The following RETREG1 variants were observed in gnomAD, a reference collection of about 807,000 sequenced individuals.
RETREG1 encodes the protein reticulophagy regulator 1.
Under a neutral mutation model 54.8 loss-of-function variants are expected in RETREG1, and 44 were observed. The observed-to-expected ratio is 0.80, with a 90% confidence interval of 0.63 to 1.03. The LOEUF is 1.03. Among genes scored for constraint, RETREG1 ranks in the 50% least tolerant of loss-of-function variants. The probability of loss-of-function intolerance (pLI) is 0.00; values close to 1 mark genes in which losing one functional copy is unlikely to be tolerated. For synonymous variants in RETREG1, 217 were observed against 238.5 expected, an observed-to-expected ratio of 0.91 and a Z score of 0.83; for missense variants, 554 against 605.1, an observed-to-expected ratio of 0.92 and a Z score of 0.89.
In RETREG1 at chr5:16,616,744, C is replaced by CA. The variant is rs1561141650; in HGVS notation, c.227dup (p.Leu77AlafsTer64). 6.3e-7 allele frequency: 1 copy of CA among 1,574,916 alleles called. No homozygotes were observed. The highest frequency in any genetic ancestry group is 2.3e-5 in the East Asian group (1 of 43,122). The stretch of plus-strand genomic sequence containing the variant: ...CGTCGGCGCGGCAGCCCAGCCACAG[C>CA]ACCGGCTCCCCGAGCAGCCAGGTTA... On this transcript the variant is annotated frameshift_variant, in exon 1 of 9. Coordinates refer to ENST00000306320, the MANE Select transcript of RETREG1 (RefSeq NM_001034850.3). LOFTEE classifies it high-confidence loss of function.
chr5:16,540,990 A>G (rs1450996579), intron 3 of RETREG1, among the ~76,000 whole-genome samples: 1 of 152,160 alleles, frequency 6.6e-6, no homozygotes, highest in Non-Finnish European at 1.5e-5. Flanking sequence ...CAGCACCATC[A>G]CTATGCTTGA....
intron 3 of RETREG1, among the ~76,000 whole-genome samples, chr5:16,555,451 C>G (rs2617422): frequency 0.82 from 124,972 of 152,226 alleles, 51,296 homozygotes; most frequent in Middle Eastern, 0.87. Flanking sequence ...CACACTTGGC[C>G]TGTTTTTACA....
intron 3 of RETREG1, among the ~76,000 whole-genome samples, chr5:16,546,224 C>G (rs1363181750): frequency 3.9e-5 from 6 of 152,018 alleles, no homozygotes; most frequent in Admixed American, 3.9e-4. Flanking sequence ...CTGGAGTACA[C>G]TGACATAAAC....
At chr5:16,615,041 T>A (rs996797253) in intron 1 of RETREG1, among the ~76,000 whole-genome samples, 1 of 152,198 alleles carries the variant, frequency 6.6e-6, no homozygotes, top group African/African-American at 2.4e-5. Flanking sequence ...CTTTTGTACC[T>A]TTAAACTTTT....
intron 1 of RETREG1, among the ~76,000 whole-genome samples, chr5:16,608,266 CATCTACAGTGTTTCAG>C (rs2126371681): frequency 6.6e-6 from 1 of 152,272 alleles, no homozygotes; most frequent in East Asian, 1.9e-4. Context: ...CCTTTTTTAA[CATCTACAGTGTTTCAG>C]ATCTCATGTG....
intron 3 of RETREG1, among the ~76,000 whole-genome samples, chr5:16,552,306 C>T (rs1741568126): frequency 1.3e-5 from 2 of 152,122 alleles, no homozygotes; most frequent in Admixed American, 6.5e-5. Flanking sequence ...CAATCACTTG[C>T]AAATTAAGTT....
intron 3 of RETREG1, among the ~76,000 whole-genome samples, chr5:16,491,075 G>A (rs16868694): frequency 9.4e-4 from 143 of 152,192 alleles, no homozygotes; most frequent in African/African-American, 3.2e-3. Flanking sequence ...CATGACCATG[G>A]CAACTATCTG....
chr5:16,568,077 T>G, intron 2 of RETREG1, among the ~76,000 whole-genome samples: 1 of 152,014 alleles, frequency 6.6e-6, no homozygotes, highest in East Asian at 1.9e-4. Context: ...GGAGGAGTTT[T>G]CCAGGCCATA....
At chr5:16,484,389 A>G (rs1286227562) in intron 3 of RETREG1, among the ~76,000 whole-genome samples, 1 of 152,206 alleles carries the variant, frequency 6.6e-6, no homozygotes, top group African/African-American at 2.4e-5. Flanking sequence ...TCATTCATTT[A>G]AGAGATTATT....
Position 16,572,103 on chromosome 5 carries a change from C to A in RETREG1, c.321-1G>T. On this transcript the variant is annotated splice_acceptor_variant, in intron 1 of 8. Coordinates refer to ENST00000306320, the MANE Select transcript of RETREG1 (RefSeq NM_001034850.3). LOFTEE classifies it high-confidence loss of function. Reference sequence around the variant, plus strand: ...TCTCCATGGAGTCAATGCAAGGAACCTGCAACAGCGAAACACAAATCAGTA... The same window carrying A: ...TCTCCATGGAGTCAATGCAAGGAACATGCAACAGCGAAACACAAATCAGTA... 6.2e-7 allele frequency: 1 copy of A among 1,603,040 alleles called. No individual in the cohort carries two copies. The highest frequency in any genetic ancestry group is 1.1e-5 in the South Asian group (1 of 90,872).
chr5:16,498,149 T>C (rs1739544607), intron 3 of RETREG1, among the ~76,000 whole-genome samples: 1 of 152,218 alleles, frequency 6.6e-6, no homozygotes, highest in Admixed American at 6.5e-5. Flanking sequence ...ATGACTACAG[T>C]CATGCATCAT....
chr5:16,486,237 G>C (rs1739015451), intron 3 of RETREG1, among the ~76,000 whole-genome samples: 1 of 152,040 alleles, frequency 6.6e-6, no homozygotes, highest in South Asian at 2.1e-4. Flanking sequence ...GTTCAGATTG[G>C]GCTGAATAAA....
At chr5:16,543,316 A>T (rs1256311529) in intron 3 of RETREG1, among the ~76,000 whole-genome samples, 1 of 152,188 alleles carries the variant, frequency 6.6e-6, no homozygotes, top group African/African-American at 2.4e-5. Flanking sequence ...CATTTCTCTT[A>T]GCTAAATATC....
intron 3 of RETREG1, among the ~76,000 whole-genome samples, chr5:16,542,580 A>G (rs1199584560): frequency 6.6e-6 from 1 of 152,164 alleles, no homozygotes; most frequent in Non-Finnish European, 1.5e-5. Flanking sequence ...CACAGCTCAT[A>G]ATCCAGGTCT....
Position 16,474,714 on chromosome 5 carries a change from G to A in RETREG1, c.*27C>T, listed in dbSNP as rs1253828955. On this transcript the variant is annotated 3_prime_UTR_variant, in exon 9 of 9. Coordinates refer to ENST00000306320, the MANE Select transcript of RETREG1 (RefSeq NM_001034850.3). ...GTTTGAAATTTTTTTGGTGTTTTTT[G>A]TGCTCTGTTGCAAGCTGATTCCTAG... 1 of 1,194,992 alleles carries A rather than the reference G, an allele frequency of 8.4e-7. No individual in the cohort carries two copies. Among genetic ancestry groups the A allele is most frequent in the Non-Finnish European group, 1.1e-6 (1 of 915,604 alleles). 74.0% of individuals were successfully genotyped at this position (1,194,992 alleles called of 1,614,324 possible).
At chr5:16,580,421 A>G (rs999578075) in intron 1 of RETREG1, among the ~76,000 whole-genome samples, 2 of 152,244 alleles carry the variant, frequency 1.3e-5, no homozygotes, top group African/African-American at 2.4e-5. Context: ...AGTGTCTATA[A>G]GTGCAGATTT....
At chr5:16,616,578 C>T in intron 1 of RETREG1, 74 bp downstream of exon 1, 1 of 1,533,082 alleles carries the variant, frequency 6.5e-7, no homozygotes, top group Non-Finnish European at 8.7e-7. Context: ...TCCCCCTGCA[C>T]TGGGTCCCCG....
chr5:16,590,054 G>A (rs950966182), intron 1 of RETREG1, among the ~76,000 whole-genome samples: 2 of 152,178 alleles, frequency 1.3e-5, no homozygotes, highest in African/African-American at 2.4e-5. Context: ...GCTGCCTCAT[G>A]GACGCCATTC....
chr5:16,482,255 A>C (rs191081546), intron 4 of RETREG1, among the ~76,000 whole-genome samples: 5 of 152,140 alleles, frequency 3.3e-5, no homozygotes, highest in Admixed American at 3.3e-4. Flanking sequence ...CTATATCCAG[A>C]ATTTAGTTTT....
Sources: allele counts gnomAD v4.1 joint callset (sites outside exome capture counted in the v4.1 genomes callset), GRCh38; gene constraint gnomAD v4.1.1; transcripts MANE v1.5; gene names NCBI Gene and HGNC (gene_info 2026-07-23, HGNC 2026-07-21).